The following PDE1A variants were observed in gnomAD, a reference collection of about 807,000 sequenced individuals.
PDE1A encodes phosphodiesterase 1A, also known as dual specificity calcium/calmodulin-dependent 3',5'-cyclic nucleotide phosphodiesterase 1A.
PDE1A carries 35 observed loss-of-function variants against 61.7 expected under a neutral mutation model. The observed-to-expected ratio is 0.57, with a 90% CI of 0.43 to 0.75. The LOEUF (loss-of-function observed/expected upper bound fraction) is 0.75, where lower values mean the gene tolerates loss of function less well. PDE1A is among the 30% of genes least tolerant of loss of function. The pLI is 0.00. For missense variants in PDE1A, 597 were observed against 630.6 expected, an observed-to-expected ratio of 0.95 and a Z score of 0.57; for synonymous variants, 232 against 213.2, an observed-to-expected ratio of 1.09 and a Z score of -0.77.
chr2:182,361,627 A>AT (rs771327016), intron 1 of PDE1A, among the ~76,000 whole-genome samples: 2 of 152,076 alleles, frequency 1.3e-5, no homozygotes, highest in Non-Finnish European at 2.9e-5. Flanking sequence ...AACCATGCAC[A>AT]TTTTATGAGG....
intron 1 of PDE1A, among the ~76,000 whole-genome samples, chr2:182,359,615 T>C (rs1699385834): frequency 6.6e-6 from 1 of 152,146 alleles, no homozygotes; most frequent in Non-Finnish European, 1.5e-5. Context: ...TAATGAAGTA[T>C]TTTTTTGTTT....
At chr2:182,303,934 C>T (rs1695410362) in intron 1 of PDE1A, among the ~76,000 whole-genome samples, 1 of 151,940 alleles carries the variant, frequency 6.6e-6, no homozygotes, top group Non-Finnish European at 1.5e-5. Context: ...TGGAGTCTCG[C>T]TGTGTCGCCA....
At chr2:182,306,268 C>A (rs1695577399) in intron 1 of PDE1A, among the ~76,000 whole-genome samples, 1 of 152,062 alleles carries the variant, frequency 6.6e-6, no homozygotes, top group South Asian at 2.1e-4. Context: ...TATTGTACAG[C>A]ATTGTAAGTC....
chr2:182,485,493 AC>A (rs981087714), intron 2 of PDE1A, among the ~76,000 whole-genome samples: 6 of 152,030 alleles, frequency 3.9e-5, no homozygotes, highest in African/African-American at 1.2e-4. Context: ...TAACTTTCAC[AC>A]GTACCCCCAA....
At chr2:182,623,162 G>T in the PDE1A span, among the ~76,000 whole-genome samples, 3 of 152,138 alleles carry the variant, frequency 2.0e-5, no homozygotes, top group Non-Finnish European at 4.4e-5. Context: ...AGGAGGAAAA[G>T]ATATGAATAG....
intron 1 of PDE1A, among the ~76,000 whole-genome samples, chr2:182,351,456 C>G (rs1022014228): frequency 6.6e-6 from 1 of 152,122 alleles, no homozygotes; most frequent in Non-Finnish European, 1.5e-5. Flanking sequence ...TTGCAGCTAT[C>G]TTTTAGGACC....
chr2:182,365,808 T>G (rs1699806662), intron 1 of PDE1A, among the ~76,000 whole-genome samples: 2 of 152,072 alleles, frequency 1.3e-5, no homozygotes, highest in Admixed American at 6.6e-5. Flanking sequence ...CTATCCCTCA[T>G]GTTGTATTGT....
At chr2:182,682,630 T>A in the PDE1A span, among the ~76,000 whole-genome samples, 2 of 152,218 alleles carry the variant, frequency 1.3e-5, no homozygotes, top group African/African-American at 4.8e-5. Context: ...ATATCAGCTC[T>A]ATGGAATAAT....
At chr2:182,157,711 G>A (rs1691171996) in intron 13 of PDE1A, among the ~76,000 whole-genome samples, 2 of 152,168 alleles carry the variant, frequency 1.3e-5, no homozygotes, top group African/African-American at 4.8e-5. Context: ...TCAAATGCTG[G>A]TGGTATGCAT....
chr2:182,324,942 C>G (rs115966519), intron 1 of PDE1A, among the ~76,000 whole-genome samples: 2,403 of 151,132 alleles, frequency 0.016, 27 homozygotes, highest in Middle Eastern at 0.027. Context: ...GAGGTAGACA[C>G]TATTACTCCT....
the PDE1A span, among the ~76,000 whole-genome samples, chr2:182,543,090 C>A: frequency 2.6e-5 from 4 of 152,132 alleles, no homozygotes; most frequent in Non-Finnish European, 4.4e-5. Flanking sequence ...ATCCAGGAAG[C>A]AGTGGGCACT....
At chr2:182,185,755 AAG>A (rs1298445650) in intron 13 of PDE1A, 135 bp downstream of exon 13, 1 of 1,493,242 alleles carries the variant, frequency 6.7e-7, no homozygotes, top group East Asian at 2.5e-5. Context: ...TGAATGATCA[AAG>A]AGTAGCCAAA....
chr2:182,324,445 T>C (rs1408256199), intron 1 of PDE1A, among the ~76,000 whole-genome samples: 1 of 152,144 alleles, frequency 6.6e-6, no homozygotes, highest in African/African-American at 2.4e-5. Flanking sequence ...GTTTAGGGGA[T>C]TCCAAAACAT....
chr2:182,573,182 A>C, the PDE1A span, among the ~76,000 whole-genome samples: 3,600 of 152,200 alleles, frequency 0.024, 131 homozygotes, highest in African/African-American at 0.083. Context: ...ACTACATTGT[A>C]ATGACCCTCT....
rs1208756159 is a variant in PDE1A, at chr2:182,407,227, T to A, written c.53+19351A>T. Among the ~76,000 whole-genome samples the A allele has an allele frequency of 2.6e-5, 4 of 152,140 alleles. No individual in the cohort carries two copies. In the East Asian group the frequency reaches 7.7e-4, roughly 29 times the overall value. On this transcript the variant is annotated intron_variant, in intron 1 of 13. Coordinates refer to ENST00000351439, the Ensembl canonical transcript of PDE1A. ...TTCTAACAGCTTTCAAATGTCTCTGTCATAAGAAAAAAATGCTACTAAAAA... is the reference window on the plus strand; with the variant it reads ...TTCTAACAGCTTTCAAATGTCTCTGACATAAGAAAAAAATGCTACTAAAAA...
At chr2:182,678,149 G>C in the PDE1A span, among the ~76,000 whole-genome samples, 1 of 152,246 alleles carries the variant, frequency 6.6e-6, no homozygotes, top group Admixed American at 6.5e-5. Context: ...ATATGGCTGG[G>C]CGCAGTGGCT....
At chr2:182,534,135 C>T in the PDE1A span, among the ~76,000 whole-genome samples, 5 of 151,972 alleles carry the variant, frequency 3.3e-5, no homozygotes, top group African/African-American at 9.7e-5. Flanking sequence ...AAAGTATATA[C>T]TCCTTTATCC....
intron 1 of PDE1A, among the ~76,000 whole-genome samples, chr2:182,320,582 T>C (rs2125983696): frequency 6.6e-6 from 1 of 152,320 alleles, no homozygotes; most frequent in Non-Finnish European, 1.5e-5. Context: ...TTTGTAAGTA[T>C]ATATTAGCAA....
At chr2:182,427,082 CT>C (rs769480045), upstream of PDE1A, 213 of 927,226 alleles carry the variant, frequency 2.3e-4, no homozygotes, top group Non-Finnish European at 2.5e-4. Flanking sequence ...TGAGGCTCAA[CT>C]TTTTTTCTTC....
Sources: gnomAD v4.1 joint callset for allele counts (sites outside exome capture counted in the v4.1 genomes callset) on GRCh38, gnomAD v4.1.1 for gene constraint, MANE v1.5 for transcripts, NCBI Gene and HGNC (gene_info 2026-07-23, HGNC 2026-07-21) for gene names.